Variants in KIAA1958 observed in about 807,000 individuals in gnomAD.
The protein encoded by KIAA1958 is uncharacterized protein KIAA1958.
In KIAA1958, 14 loss-of-function variants were observed where a neutral mutation model predicts 47.2. The ratio of observed to expected loss-of-function variants is 0.30; its 90% confidence interval spans 0.20 to 0.46. The LOEUF is 0.46. Among genes scored for constraint, KIAA1958 ranks in the 20% least tolerant of loss-of-function variants. The pLI is 1.00. For missense variants in KIAA1958, 803 were observed against 909.2 expected, an observed-to-expected ratio of 0.88 and a Z score of 1.50; for synonymous variants, 354 against 353.3, an observed-to-expected ratio of 1.00 and a Z score of -0.02.
intron 2 of KIAA1958, among the ~76,000 whole-genome samples, chr9:112,579,381 C>A (rs185233700): frequency 1.3e-5 from 2 of 151,842 alleles, no homozygotes; most frequent in African/African-American, 4.8e-5. Context: ...GGTTTTCTTT[C>A]TCTCTCCTCT....
At chr9:112,511,274 G>A (rs996379935) in intron 1 of KIAA1958, among the ~76,000 whole-genome samples, 7 of 152,180 alleles carry the variant, frequency 4.6e-5, no homozygotes, top group Admixed American at 3.9e-4. Flanking sequence ...CAGACATACT[G>A]AATCAGAAAC....
chr9:112,558,211 G>A (rs1266243765), intron 1 of KIAA1958, among the ~76,000 whole-genome samples: 4 of 151,730 alleles, frequency 2.6e-5, no homozygotes, highest in Non-Finnish European at 4.4e-5. Flanking sequence ...GAGACAGAGC[G>A]AGACTCTGTC....
chr9:112,522,621 C>G (rs2132797842), intron 1 of KIAA1958, among the ~76,000 whole-genome samples: 1 of 152,300 alleles, frequency 6.6e-6, no homozygotes, highest in South Asian at 2.1e-4. Context: ...TCATTGCTTG[C>G]TTTGACCTTG....
At chr9:112,588,715 T>C (rs1359800235) in intron 2 of KIAA1958, among the ~76,000 whole-genome samples, 1 of 152,104 alleles carries the variant, frequency 6.6e-6, no homozygotes, top group Non-Finnish European at 1.5e-5. Flanking sequence ...GCCCATGAGA[T>C]TCCCAAGCTG....
At chr9:112,619,458 C>T (rs963902503) in intron 2 of KIAA1958, among the ~76,000 whole-genome samples, 1 of 152,160 alleles carries the variant, frequency 6.6e-6, no homozygotes, top group Non-Finnish European at 1.5e-5. Context: ...AAATTATTTA[C>T]ATCTTCTCTT....
At chr9:112,530,574 A>G (rs1339658670) in intron 1 of KIAA1958, among the ~76,000 whole-genome samples, 1 of 152,226 alleles carries the variant, frequency 6.6e-6, no homozygotes, top group Admixed American at 6.5e-5. Flanking sequence ...GCTACTTCTC[A>G]TAGGTGAAAA....
chr9:112,651,239 T>G (rs1449974519), intron 3 of KIAA1958, among the ~76,000 whole-genome samples: 1 of 152,120 alleles, frequency 6.6e-6, no homozygotes, highest in Admixed American at 6.6e-5. Context: ...CCATGGAATA[T>G]TCACCAAACT....
intron 1 of KIAA1958, among the ~76,000 whole-genome samples, chr9:112,513,055 A>G (rs1414753203): frequency 2.2e-5 from 3 of 136,774 alleles, no homozygotes; most frequent in Non-Finnish European, 4.6e-5. Flanking sequence ...CCCAGGCTGG[A>G]GTGCAGTGGC....
At chr9:112,488,868 C>T (rs1184862736) in intron 1 of KIAA1958, among the ~76,000 whole-genome samples, 1 of 152,046 alleles carries the variant, frequency 6.6e-6, no homozygotes, top group Non-Finnish European at 1.5e-5. Flanking sequence ...AGATTCTTGT[C>T]CCAGTTAAAC....
chr9:112,601,056 C>A (rs927251087), intron 2 of KIAA1958, among the ~76,000 whole-genome samples: 2 of 152,286 alleles, frequency 1.3e-5, no homozygotes, highest in Non-Finnish European at 2.9e-5. Flanking sequence ...AGAGCTGGAA[C>A]CTTTAACCAT....
At chr9:112,604,864 T>A (rs1490823248) in intron 2 of KIAA1958, among the ~76,000 whole-genome samples, 1 of 149,770 alleles carries the variant, frequency 6.7e-6, no homozygotes, top group African/African-American at 2.4e-5. Context: ...GAAAAATAAT[T>A]GACTTAACAG....
intron 2 of KIAA1958, among the ~76,000 whole-genome samples, chr9:112,594,929 T>C (rs1168321794): frequency 6.6e-6 from 1 of 152,222 alleles, no homozygotes; most frequent in Admixed American, 6.5e-5. Flanking sequence ...ATCTTAGTGG[T>C]GTGAAGTGGT....
intron 1 of KIAA1958, among the ~76,000 whole-genome samples, chr9:112,524,537 C>T (rs1171748491): frequency 1.3e-5 from 2 of 152,208 alleles, no homozygotes; most frequent in South Asian, 4.1e-4. Context: ...AGTTCATTCA[C>T]ATTGTTGTGC....
rs1337590887 is a variant in KIAA1958 at position 112,486,917 on chromosome 9, C to T, written c.-226C>T. The T allele has an allele frequency of 6.8e-6, 1 of 146,132 alleles. No homozygotes were observed. Among genetic ancestry groups the T allele is most frequent in the African/African-American group, 2.5e-5 (1 of 40,262 alleles). The allele number at this position is 146,132 out of a possible 1,614,324, so 9.1% of individuals were successfully genotyped here. ...GCGGTCGGCCGAGCCAGGCTGGCGC[C>T]CCCGCCCCCCGCCCCGCTCCTCGGT... On this transcript the variant is annotated 5_prime_UTR_variant, in exon 1 of 4. Coordinates refer to ENST00000337530, the MANE Select transcript of KIAA1958 (RefSeq NM_133465.4).
chr9:112,641,976 G>A (rs945533294), intron 2 of KIAA1958, among the ~76,000 whole-genome samples: 2 of 152,128 alleles, frequency 1.3e-5, no homozygotes, highest in African/African-American at 4.8e-5. Flanking sequence ...CCTTTCAGGG[G>A]GACGAGTAGG....
intron 1 of KIAA1958, among the ~76,000 whole-genome samples, chr9:112,505,042 C>T (rs558841849): frequency 1.8e-4 from 28 of 152,276 alleles, no homozygotes; most frequent in Non-Finnish European, 3.7e-4. Flanking sequence ...TCCCCTTGGT[C>T]CCCTCACTCA....
At chr9:112,579,100 C>T (rs1397593021) in intron 2 of KIAA1958, among the ~76,000 whole-genome samples, 2 of 151,920 alleles carry the variant, frequency 1.3e-5, no homozygotes, top group South Asian at 2.1e-4. Context: ...AATAGTAACT[C>T]ATAATCTCTC....
rs1314934093 is a variant in KIAA1958, at chr9:112,666,696, GCTTA to G, written c.*6631_*6634del. 25 of 152,290 alleles carry G rather than the reference GCTTA, an allele frequency of 1.6e-4. No individual in the cohort carries two copies. The highest frequency in any genetic ancestry group is 5.5e-4 in the African/African-American group (23 of 41,554). 9.4% of individuals were successfully genotyped at this position (152,290 alleles called of 1,614,324 possible). ...AAGTTTCCAAGTAGCTCAATTCCTG[GCTTA>G]CTTCATGAAACAGGCCCTGTGAAAT... On this transcript the variant is annotated 3_prime_UTR_variant, in exon 4 of 4. Coordinates refer to ENST00000337530, the MANE Select transcript of KIAA1958 (RefSeq NM_133465.4).
intron 1 of KIAA1958, among the ~76,000 whole-genome samples, chr9:112,547,726 A>G (rs1835064610): frequency 6.6e-6 from 1 of 152,170 alleles, no homozygotes; most frequent in Non-Finnish European, 1.5e-5. Flanking sequence ...TGTGGGGAAA[A>G]TCTACATTCT....
Sources: allele counts gnomAD v4.1 joint callset (sites outside exome capture counted in the v4.1 genomes callset), GRCh38; gene constraint gnomAD v4.1.1; transcripts MANE v1.5; gene names NCBI Gene and HGNC (gene_info 2026-07-23, HGNC 2026-07-21).